Variants in GOLGA3 observed in about 807,000 individuals in gnomAD.
GOLGA3 encodes golgin subfamily A member 3.
Under a neutral mutation model 169.4 loss-of-function variants are expected in GOLGA3, and 75 were observed. The observed-to-expected ratio is 0.44, with a 90% CI of 0.37 to 0.54. GOLGA3 has a LOEUF of 0.54. Ranked by LOEUF, GOLGA3 falls within the 20% of genes least tolerant of loss-of-function variation. The pLI is 0.00. For missense variants in GOLGA3, 1,899 were observed against 1,930.0 expected, an observed-to-expected ratio of 0.98 and a Z score of 0.30; for synonymous variants, 824 against 822.4, an observed-to-expected ratio of 1.00 and a Z score of -0.03.
rs1277939305 is a variant in GOLGA3 at position 132,798,445 on chromosome 12, C to T, written c.1833G>A (p.Glu611=). ...GGGACACATTCTCGAGTTTCAGGTG[C>T]TCCAGGAGACCTGCCTGGGTCATCT... The part of the protein sequence containing the change: ...VGQMTQAGLL[E]HLKLENVSLS... The change falls in exon 9 of 24, where the codon GAG becomes GAA. Residue 611 remains glutamate (E), a synonymous_variant. Coordinates refer to ENST00000450791, the MANE Select transcript of GOLGA3 (RefSeq NM_001389683.1). The T allele has an allele frequency of 2.5e-6, 4 of 1,612,818 alleles. No homozygotes were observed. Among genetic ancestry groups the T allele is most frequent in the Non-Finnish European group, 2.5e-6 (3 of 1,179,488 alleles).
chr12:132,818,355 A>C (rs1950079576), intron 2 of GOLGA3, among the ~76,000 whole-genome samples: 2 of 152,176 alleles, frequency 1.3e-5, no homozygotes, highest in Admixed American at 1.3e-4. Context: ...CACTCACCAG[A>C]TTCAAGCGAT....
At chr12:132,828,046 T>C (rs1008616555) in intron 1 of GOLGA3, 1 of 152,236 alleles carries the variant, frequency 6.6e-6, no homozygotes, top group Admixed American at 6.5e-5. Context: ...GCCATTACAC[T>C]GTGGCCACAT....
intron 21 of GOLGA3, among the ~76,000 whole-genome samples, chr12:132,775,727 CTGGA>C (rs374558912): frequency 6.6e-6 from 1 of 151,702 alleles, no homozygotes; most frequent in South Asian, 2.1e-4. Flanking sequence ...TTTTGGATTT[CTGGA>C]TGATGGACGC....
At chr12:132,798,934 CG>C (rs1949002782) in intron 8 of GOLGA3, among the ~76,000 whole-genome samples, 1 of 152,208 alleles carries the variant, frequency 6.6e-6, no homozygotes, top group Non-Finnish European at 1.5e-5. Context: ...AGCTAGGGCC[CG>C]GCCCAGACCT....
intron 4 of GOLGA3, among the ~76,000 whole-genome samples, chr12:132,811,258 T>G (rs1949695805): frequency 6.6e-6 from 1 of 152,122 alleles, no homozygotes; most frequent in Admixed American, 6.5e-5. Context: ...TTCTACACTC[T>G]CTCGTCTCCG....
chr12:132,773,432 G>GC, intron 23 of GOLGA3, 138 bp from the exon 24 acceptor site: 1 of 451,692 alleles, frequency 2.2e-6, no homozygotes, highest in South Asian at 4.8e-5. Flanking sequence ...TGAGACCACA[G>GC]AAGCTCAGCT....
chr12:132,799,569 G>A (rs890958990), intron 8 of GOLGA3, among the ~76,000 whole-genome samples: 3 of 152,208 alleles, frequency 2.0e-5, no homozygotes, highest in Non-Finnish European at 4.4e-5. Context: ...GAGCCCAACA[G>A]GTCAAGGCTG....
intron 2 of GOLGA3, among the ~76,000 whole-genome samples, chr12:132,821,629 C>T (rs898128453): frequency 4.0e-4 from 61 of 151,820 alleles, no homozygotes; most frequent in African/African-American, 1.0e-3. Flanking sequence ...CTGAGGCGGG[C>T]GGATCACGAA....
chr12:132,825,069 T>C (rs1457354362), intron 1 of GOLGA3, among the ~76,000 whole-genome samples: 2 of 152,166 alleles, frequency 1.3e-5, no homozygotes, highest in Admixed American at 1.3e-4. Flanking sequence ...CGCCACTGAA[T>C]ACTGGTACCC....
chr12:132,807,053 G>A (rs1018399569), intron 6 of GOLGA3, 124 bp downstream of exon 6: 3 of 594,290 alleles, frequency 5.0e-6, no homozygotes, highest in East Asian at 2.9e-5. Context: ...CAGAACCCTC[G>A]GCTGCCACAC....
At position 132,816,537 on chromosome 12, in the gene GOLGA3, T is replaced by G; in HGVS notation, c.406+3A>C. The G allele has an allele frequency of 6.2e-7, 1 of 1,611,342 alleles. No individual in the cohort carries two copies. The highest frequency in any genetic ancestry group is 8.5e-7 in the Non-Finnish European group (1 of 1,177,934). On this transcript the variant is annotated splice_donor_region_variant and intron_variant, in intron 3 of 23. Coordinates refer to ENST00000450791, the MANE Select transcript of GOLGA3 (RefSeq NM_001389683.1). Reference sequence around the variant, plus strand: ...TGGGAAAAGCGGGGTAACGGATGCTTACACAGTTGCGTTTCTTGCATAGGA... The same window carrying G: ...TGGGAAAAGCGGGGTAACGGATGCTGACACAGTTGCGTTTCTTGCATAGGA...
Position 132,816,828 on chromosome 12 carries a change from A to G in GOLGA3, c.134-16T>C. On this transcript the variant is annotated splice_polypyrimidine_tract_variant and intron_variant, in intron 2 of 23. Coordinates refer to ENST00000450791, the MANE Select transcript of GOLGA3 (RefSeq NM_001389683.1). ...ACCTCGGCACCTGGAAAGACAGAGC[A>G]CGCTGGACCACCATGGCTTTAACAA... is the stretch of plus-strand genomic sequence containing the variant. 1 of 1,567,636 alleles carries G rather than the reference A, an allele frequency of 6.4e-7. No homozygotes were observed. Among genetic ancestry groups the G allele is most frequent in the Non-Finnish European group, 8.7e-7 (1 of 1,154,018 alleles).
intron 15 of GOLGA3, 106 bp downstream of exon 15, chr12:132,786,233 C>A (rs374637074): frequency 2.7e-6 from 2 of 745,348 alleles, no homozygotes; most frequent in Admixed American, 2.9e-5. Flanking sequence ...CCACCTCCCA[C>A]GCGAGCTCGG....
At chr12:132,799,771 T>C (rs2136508527) in intron 8 of GOLGA3, among the ~76,000 whole-genome samples, 1 of 152,216 alleles carries the variant, frequency 6.6e-6, no homozygotes, top group South Asian at 2.1e-4. Flanking sequence ...TCTGGCTCTG[T>C]TGCCCAGGCT....
chr12:132,796,282 T>C, intron 10 of GOLGA3, 62 bp from the exon 11 acceptor site: 3 of 1,510,488 alleles, frequency 2.0e-6, no homozygotes, highest in Non-Finnish European at 1.8e-6. Context: ...GTATGCCCTT[T>C]TCCTGTTCGG....
Position 132,786,804 on chromosome 12 carries a change from G to C in GOLGA3, c.2812-17C>G. The C allele has an allele frequency of 6.4e-7, 1 of 1,557,352 alleles. No homozygotes were observed. The highest frequency in any genetic ancestry group is 8.9e-7 in the Non-Finnish European group (1 of 1,128,428). On this transcript the variant is annotated splice_polypyrimidine_tract_variant and intron_variant, in intron 13 of 23. Transcript: ENST00000450791. ...CTGCAACGACTGTGGAAGGGAAGGA[G>C]GGCGTGAGGAGCGGCACTGCCACCC...
intron 9 of GOLGA3, among the ~76,000 whole-genome samples, chr12:132,797,964 T>C (rs1948937043): frequency 6.6e-6 from 1 of 152,138 alleles, no homozygotes. Flanking sequence ...GGCCCCTTCC[T>C]CCGTACCCAC....
intron 2 of GOLGA3, among the ~76,000 whole-genome samples, chr12:132,818,526 T>C (rs1441356316): frequency 6.6e-6 from 1 of 152,248 alleles, no homozygotes; most frequent in Non-Finnish European, 1.5e-5. Context: ...AGTGCTGGGA[T>C]TACAGGCGTG....
chr12:132,804,809 T>C lies in GOLGA3; in HGVS notation c.1504A>G (p.Asn502Asp), dbSNP rs1949309572. The C allele has an allele frequency of 6.2e-7, 1 of 1,614,112 alleles. No individual in the cohort carries two copies. Among genetic ancestry groups the C allele is most frequent in the Admixed American group, 1.7e-5 (1 of 60,010 alleles). The change falls in exon 7 of 24, where the codon AAC becomes GAC. Residue 502 changes from asparagine to aspartate, a missense_variant. Physicochemically the swap from Asn to Asp is conservative, Grantham distance 23. Coordinates refer to ENST00000450791, the MANE Select transcript of GOLGA3 (RefSeq NM_001389683.1). The surrounding 1 kb of genome is among the most constrained non-coding windows in gnomAD (Gnocchi z 4.1). ...TCCTCGGCCACCTGCAAGTCGTTGTTGGACGACGCCAGGCTGGCATTTTTT... is the reference window on the plus strand; with the variant it reads ...TCCTCGGCCACCTGCAAGTCGTTGTCGGACGACGCCAGGCTGGCATTTTTT... ...EAKNASLASS[N>D]NDLQVAEEQY...
Sources: allele counts gnomAD v4.1 joint callset (sites outside exome capture counted in the v4.1 genomes callset), GRCh38; gene constraint gnomAD v4.1.1; non-coding constraint Gnocchi (gnomAD v3.1); transcripts MANE v1.5; gene names NCBI Gene and HGNC (gene_info 2026-07-23, HGNC 2026-07-21).